Variants in TMEM87A observed in about 807,000 individuals in gnomAD.
TMEM87A encodes the protein Golgi-pH regulating cation channel.
Under a neutral mutation model 90.0 loss-of-function variants are expected in TMEM87A, and 50 were observed. The observed-to-expected ratio is 0.56, with a 90% CI of 0.44 to 0.70. The LOEUF (loss-of-function observed/expected upper bound fraction) is 0.70, where lower values mean the gene tolerates loss of function less well. TMEM87A is among the 30% of genes least tolerant of loss of function. The pLI is 0.00. For missense variants in TMEM87A, 577 were observed against 660.5 expected (o/e 0.87, Z 1.39); for synonymous variants, 226 against 226.7 (o/e 1.00, Z 0.03).
At chr15:42,220,235 A>G in intron 15 of TMEM87A, 100 bp from the exon 16 acceptor site, 1 of 806,526 alleles carries the variant, frequency 1.2e-6, no homozygotes, top group Non-Finnish European at 2.0e-6. Context: ...CTGCAATTAT[A>G]GTAATTCATT....
Position 42,225,002 on chromosome 15 carries a change from G to A in TMEM87A, c.1403+1804C>T, listed in dbSNP as rs560276408. Reference sequence around the variant, plus strand: ...GTGAGTAACCAGTAGATCAACAGACGGATATAAAAGAAGGGTCTCCAGAAT... The same window carrying A: ...GTGAGTAACCAGTAGATCAACAGACAGATATAAAAGAAGGGTCTCCAGAAT... On this transcript the variant is annotated intron_variant, in intron 15 of 19. Coordinates refer to ENST00000389834, the MANE Select transcript of TMEM87A (RefSeq NM_015497.5). 3.9e-5 allele frequency among the ~76,000 whole-genome samples: 6 copies of A among 152,188 alleles called. No individual in the cohort carries two copies. The South Asian group carries it at 1.0e-3, about 26-fold the overall frequency.
Position 42,262,960 on chromosome 15 carries a change from T to C in TMEM87A, c.405+1130A>G, listed in dbSNP as rs182184857. On this transcript the variant is annotated intron_variant, in intron 4 of 19. Transcript: ENST00000389834. ...CTCCACTTACATGATTGCATATGTG[T>C]AAGCACGAAAAATGTATGATTATTC... 1.6e-4 allele frequency among the ~76,000 whole-genome samples: 24 copies of C among 152,324 alleles called. No homozygotes were observed. In the East Asian group the frequency reaches 4.2e-3, roughly 27 times the overall value.
At chr15:42,212,654 A>T (rs2050312045) in intron 19 of TMEM87A, among the ~76,000 whole-genome samples, 1 of 152,232 alleles carries the variant, frequency 6.6e-6, no homozygotes, top group African/African-American at 2.4e-5. Context: ...CTGCATATAG[A>T]ACATCAATTA....
intron 17 of TMEM87A, chr15:42,218,837 G>A (rs1334951928): frequency 6.3e-6 from 1 of 157,904 alleles, no homozygotes; most frequent in African/African-American, 2.4e-5. Context: ...GGTTGATTCT[G>A]TATCTTGGCT....
chr15:42,221,277 G>C (rs1050222369), intron 15 of TMEM87A, among the ~76,000 whole-genome samples: 2 of 151,522 alleles, frequency 1.3e-5, no homozygotes, highest in African/African-American at 4.9e-5. Context: ...GAGACAGAGA[G>C]AGAGAGAGAG....
chr15:42,240,647 A>G (rs1197147801), intron 7 of TMEM87A, among the ~76,000 whole-genome samples: 1 of 152,234 alleles, frequency 6.6e-6, no homozygotes. Flanking sequence ...TATTGTATTG[A>G]TAAAATAATT....
chr15:42,266,144 T>C (rs576900078), intron 3 of TMEM87A, among the ~76,000 whole-genome samples: 1 of 152,344 alleles, frequency 6.6e-6, no homozygotes, highest in East Asian at 1.9e-4. Flanking sequence ...GCTTTATTCT[T>C]TGAGCAATAT....
chr15:42,213,733 G>A (rs1400325612), intron 19 of TMEM87A, among the ~76,000 whole-genome samples: 1 of 152,198 alleles, frequency 6.6e-6, no homozygotes, highest in African/African-American at 2.4e-5. Flanking sequence ...CTATCAGAAT[G>A]ATTGATGAGG....
At chr15:42,273,525 GC>G (rs2051609554), upstream of TMEM87A, 1 of 1,447,578 alleles carries the variant, frequency 6.9e-7, no homozygotes, top group South Asian at 1.3e-5. Flanking sequence ...TGTTTGCTGT[GC>G]GGCGTAGCGG....
At chr15:42,236,070 T>C (rs1371100489) in intron 10 of TMEM87A, among the ~76,000 whole-genome samples, 1 of 152,228 alleles carries the variant, frequency 6.6e-6, no homozygotes, top group African/African-American at 2.4e-5. Context: ...CATTTGGATT[T>C]GGAAGTATGG....
intron 12 of TMEM87A, 110 bp downstream of exon 12, chr15:42,231,082 C>G: frequency 1.0e-6 from 1 of 985,416 alleles, no homozygotes; most frequent in Non-Finnish European, 1.5e-6. Flanking sequence ...GTTCCCCACA[C>G]TAAGGAGTAA....
In TMEM87A at chr15:42,247,823, A is replaced by G. The variant is rs191602821; in HGVS notation, c.505-3656T>C. ...AAGTATTTTTTCCAATTCTGTGAAG[A>G]AAGTCATTGGTAGCTTGATGGGGAT... On this transcript the variant is annotated intron_variant, in intron 6 of 19. Coordinates refer to ENST00000389834, the MANE Select transcript of TMEM87A (RefSeq NM_015497.5). 7.9e-3 allele frequency among the ~76,000 whole-genome samples: 1,198 copies of G among 152,268 alleles called. 16 individuals are homozygous for G. The highest frequency in any genetic ancestry group is 0.028 in the African/African-American group (1,142 of 41,518).
intron 6 of TMEM87A, among the ~76,000 whole-genome samples, chr15:42,254,052 CTTTTTTTT>C (rs538282508): frequency 6.8e-6 from 1 of 147,298 alleles, no homozygotes; most frequent in Non-Finnish European, 1.5e-5. Flanking sequence ...CTATTTTTTT[CTTTTTTTT>C]TTTCTCTTTT....
At chr15:42,219,721 T>C in intron 16 of TMEM87A, 79 bp from the exon 17 acceptor site, 1 of 1,012,208 alleles carries the variant, frequency 9.9e-7, no homozygotes, top group Non-Finnish European at 1.4e-6. Flanking sequence ...CAGAACTTTT[T>C]CTTTTTTTAA....
intron 6 of TMEM87A, among the ~76,000 whole-genome samples, chr15:42,256,817 A>G (rs766966538): frequency 8.5e-5 from 13 of 152,146 alleles, no homozygotes; most frequent in Non-Finnish European, 1.6e-4. Context: ...TCCCAGACTC[A>G]AGCCATCCTC....
intron 2 of TMEM87A, among the ~76,000 whole-genome samples, chr15:42,269,721 G>A (rs1043131256): frequency 1.1e-4 from 17 of 151,686 alleles, no homozygotes; most frequent in Non-Finnish European, 1.9e-4. Flanking sequence ...TGGATCATGA[G>A]GTCAGGAGAT....
chr15:42,236,287 A>G (rs528145634), intron 10 of TMEM87A, 33 bp downstream of exon 10: 12 of 1,559,132 alleles, frequency 7.7e-6, no homozygotes, highest in Middle Eastern at 1.7e-4. Flanking sequence ...CAGCATTTTA[A>G]TTTGCTCTTC....
At chr15:42,272,834 G>C (rs773207191) in intron 1 of TMEM87A, 4 of 422,514 alleles carry the variant, frequency 9.5e-6, no homozygotes, top group Admixed American at 8.6e-5. Context: ...ATTACCCAGG[G>C]ACCAAGAAGT....
chr15:42,237,688 T>A, intron 8 of TMEM87A, 73 bp from the exon 9 acceptor site: 3 of 1,200,314 alleles, frequency 2.5e-6, no homozygotes, highest in Middle Eastern at 2.2e-4. Context: ...TTAGAATCAA[T>A]ATATACTTTT....
Sources: allele counts gnomAD v4.1 joint callset (sites outside exome capture counted in the v4.1 genomes callset), GRCh38; gene constraint gnomAD v4.1.1; transcripts MANE v1.5; gene names NCBI Gene and HGNC (gene_info 2026-07-23, HGNC 2026-07-21).